ADAMTS19: variants seen among roughly 807,000 people sequenced by gnomAD.
ADAMTS19 encodes the protein A disintegrin and metalloproteinase with thrombospondin motifs 19.
ADAMTS19 carries 93 observed loss-of-function variants against 153.3 expected under a neutral mutation model. That is an observed-to-expected ratio of 0.61 (90% CI 0.51 to 0.72). The LOEUF is 0.72. Ranked by LOEUF, ADAMTS19 falls within the 30% of genes least tolerant of loss-of-function variation. ADAMTS19 has a pLI of 0.00. For missense variants in ADAMTS19, 1,482 were observed against 1,552.1 expected (o/e 0.95, Z 0.76); for synonymous variants, 600 against 556.6 (o/e 1.08, Z -1.10).
intron 20 of ADAMTS19, among the ~76,000 whole-genome samples, chr5:129,702,940 AAATATATATAT>A (rs1361708535): frequency 8.1e-5 from 2 of 24,664 alleles, no homozygotes; most frequent in African/African-American, 1.8e-4. Flanking sequence ...AAAAAAAAAA[AAATATATATAT>A]ATATATATAT....
At chr5:129,686,176 C>T (rs173490) in intron 18 of ADAMTS19, among the ~76,000 whole-genome samples, 103,641 of 151,992 alleles carry the variant, frequency 0.68, 37,270 homozygotes, top group East Asian at 0.84. Flanking sequence ...GTACAGCATG[C>T]GAGTGCACTT....
At chr5:129,566,016 G>C (rs544998973) in intron 7 of ADAMTS19, among the ~76,000 whole-genome samples, 1 of 152,100 alleles carries the variant, frequency 6.6e-6, no homozygotes, top group African/African-American at 2.4e-5. Context: ...TGTCTAGTAG[G>C]TTAGTTCTAC....
intron 2 of ADAMTS19, among the ~76,000 whole-genome samples, chr5:129,504,052 T>C (rs1214261897): frequency 6.6e-6 from 1 of 152,210 alleles, no homozygotes; most frequent in Non-Finnish European, 1.5e-5. Flanking sequence ...ATTCAAGACA[T>C]TGGCTTTCCT....
At chr5:129,697,842 T>C (rs937733229) in intron 19 of ADAMTS19, among the ~76,000 whole-genome samples, 2 of 152,276 alleles carry the variant, frequency 1.3e-5, no homozygotes, top group Admixed American at 1.3e-4. Flanking sequence ...CTGTGTTAAA[T>C]AATGTTAAAA....
chr5:129,636,964 C>T (rs139196351), intron 10 of ADAMTS19, among the ~76,000 whole-genome samples: 1 of 152,218 alleles, frequency 6.6e-6, no homozygotes, highest in African/African-American at 2.4e-5. Context: ...ATTGAAAGGG[C>T]CTGTTTTTAA....
At chr5:129,682,794 T>C (rs1394125867) in intron 17 of ADAMTS19, among the ~76,000 whole-genome samples, 1 of 152,140 alleles carries the variant, frequency 6.6e-6, no homozygotes, top group African/African-American at 2.4e-5. Flanking sequence ...ATTATTGTTT[T>C]TATTGATATA....
intron 8 of ADAMTS19, among the ~76,000 whole-genome samples, chr5:129,614,320 C>G (rs1751394796): frequency 6.6e-6 from 1 of 152,092 alleles, no homozygotes; most frequent in South Asian, 2.1e-4. Context: ...AGCAGCACAT[C>G]AAAAAGCTTA....
intron 19 of ADAMTS19, among the ~76,000 whole-genome samples, chr5:129,700,849 C>T (rs897908785): frequency 5.9e-5 from 9 of 151,458 alleles, no homozygotes; most frequent in African/African-American, 1.9e-4. Context: ...AAATATGGAG[C>T]ACTCAAAGCA....
chr5:129,516,320 C>T (rs1231232412), intron 3 of ADAMTS19, among the ~76,000 whole-genome samples: 1 of 146,476 alleles, frequency 6.8e-6, no homozygotes, highest in Non-Finnish European at 1.5e-5. Context: ...CCTAGAATGA[C>T]TTTGGAAGTA....
At chr5:129,670,771 G>A (rs1754266494) in intron 16 of ADAMTS19, among the ~76,000 whole-genome samples, 1 of 152,090 alleles carries the variant, frequency 6.6e-6, no homozygotes, top group African/African-American at 2.4e-5. Context: ...TATAAATCAT[G>A]AAATGACTGT....
intron 8 of ADAMTS19, 117 bp from the exon 9 acceptor site, chr5:129,620,501 C>A: frequency 1.4e-6 from 1 of 691,330 alleles, no homozygotes; most frequent in Non-Finnish European, 2.0e-6. Flanking sequence ...TTCCTTAAAA[C>A]AAATTTGGCC....
At chr5:129,648,406 T>A (rs1373513335) in intron 12 of ADAMTS19, among the ~76,000 whole-genome samples, 1 of 152,170 alleles carries the variant, frequency 6.6e-6, no homozygotes, top group Non-Finnish European at 1.5e-5. Context: ...ACTCTATTGG[T>A]GTAGAGGTCA....
At chr5:129,694,991 T>A in intron 19 of ADAMTS19, 136 bp downstream of exon 19, 2 of 1,136,748 alleles carry the variant, frequency 1.8e-6, no homozygotes, top group Non-Finnish European at 2.4e-6. Context: ...TTTAAAGTCT[T>A]AAATAAGCAA....
intron 2 of ADAMTS19, among the ~76,000 whole-genome samples, chr5:129,480,055 A>C (rs1226882586): frequency 6.6e-6 from 1 of 152,204 alleles, no homozygotes; most frequent in Admixed American, 6.5e-5. Flanking sequence ...TTGAAGTGAT[A>C]ATGTTAAAGC....
chr5:129,476,703 A>G (rs1488534755), intron 2 of ADAMTS19, among the ~76,000 whole-genome samples: 1 of 152,168 alleles, frequency 6.6e-6, no homozygotes, highest in Non-Finnish European at 1.5e-5. Flanking sequence ...TGATTGAGTA[A>G]ATGTTAGGGA....
chr5:129,590,705 G>A (rs1750092588), intron 7 of ADAMTS19, among the ~76,000 whole-genome samples: 1 of 152,116 alleles, frequency 6.6e-6, no homozygotes. Flanking sequence ...GAAACAGGCA[G>A]ATTATTAGTC....
rs567980702 is a variant in ADAMTS19, at chr5:129,605,784, G to A, written c.1478+9120G>A. On this transcript the variant is annotated intron_variant, in intron 8 of 22. Transcript: ENST00000274487. ...TTTTACATTTGTACAAGTTGAAAGA[G>A]ACTGCATTAAACATATACCACTTAC... 7.9e-5 allele frequency among the ~76,000 whole-genome samples: 12 copies of A among 152,198 alleles called. No homozygotes were observed. The South Asian group carries it at 1.0e-3, about 13-fold the overall frequency.
At chr5:129,536,127 C>G (rs1158906051) in intron 6 of ADAMTS19, among the ~76,000 whole-genome samples, 5 of 152,108 alleles carry the variant, frequency 3.3e-5, no homozygotes, top group Non-Finnish European at 7.3e-5. Flanking sequence ...GAACAGGCAA[C>G]CTACACAATG....
intron 6 of ADAMTS19, among the ~76,000 whole-genome samples, chr5:129,541,236 G>A (rs188099551): frequency 1.3e-5 from 2 of 150,634 alleles, no homozygotes; most frequent in Non-Finnish European, 3.0e-5. Flanking sequence ...AATTGGCTAC[G>A]TGGTGGACTG....
Sources: allele counts gnomAD v4.1 joint callset (sites outside exome capture counted in the v4.1 genomes callset), GRCh38; gene constraint gnomAD v4.1.1; transcripts MANE v1.5; gene names NCBI Gene and HGNC (gene_info 2026-07-23, HGNC 2026-07-21).